Variants in NCAPD3 observed in about 807,000 individuals in gnomAD.
NCAPD3 encodes the protein non-SMC condensin II complex subunit D3, also known as condensin-2 complex subunit D3.
NCAPD3 carries 105 observed loss-of-function variants against 182.9 expected under a neutral mutation model. The observed-to-expected ratio is 0.57, with a 90% confidence interval of 0.49 to 0.68. The LOEUF is 0.68. Ranked by LOEUF, NCAPD3 falls within the 30% of genes least tolerant of loss-of-function variation. NCAPD3 has a pLI of 0.00. For missense variants in NCAPD3, 1,944 were observed against 1,837.0 expected, an observed-to-expected ratio of 1.06 and a Z score of -1.07; for synonymous variants, 815 against 679.9, an observed-to-expected ratio of 1.20 and a Z score of -3.09.
At chr11:134,167,338 G>GCGCA (rs1943864975) in intron 27 of NCAPD3, among the ~76,000 whole-genome samples, 1 of 41,614 alleles carries the variant, frequency 2.4e-5, no homozygotes, top group Admixed American at 2.8e-4. Flanking sequence ...TGGGGGAGGC[G>GCGCA]CACACTCGTG....
chr11:134,190,947 G>A (rs371687152), intron 16 of NCAPD3, among the ~76,000 whole-genome samples: 20 of 152,114 alleles, frequency 1.3e-4, no homozygotes, highest in Admixed American at 1.0e-3. Flanking sequence ...TAGAATTGTC[G>A]ACTACTTGCT....
At chr11:134,167,330 G>A (rs1345662931) in intron 27 of NCAPD3, among the ~76,000 whole-genome samples, 2 of 64,420 alleles carry the variant, frequency 3.1e-5, no homozygotes, top group African/African-American at 1.3e-4. Context: ...AATGAGCCTG[G>A]GGGAGGCGCA....
chr11:134,158,429 C>T lies in NCAPD3; in HGVS notation c.3934G>A (p.Val1312Met), dbSNP rs75941252. The change falls in exon 30 of 35, where the codon GTG (valine) becomes ATG (methionine). Residue 1312 changes from valine (V) to methionine (M), a missense_variant. Val to Met is a conservative substitution (Grantham distance 21, BLOSUM62 1). This residue lies in a region of NCAPD3 where 1,803 missense variants were observed against 1,674.6 expected (regional missense o/e 1.08). Coordinates refer to ENST00000534548, the MANE Select transcript of NCAPD3 (RefSeq NM_015261.3). The part of the protein sequence containing the change: ...GQENPAMSPA[V>M]SQPCTPRASA... ...GCCCTGGGTGTGCAGGGCTGGCTCA[C>T]GGCAGGTGACATGGCAGGGTTTTCT... The T allele has an allele frequency of 9.1e-4, 1,463 of 1,614,186 alleles. 9 individuals are homozygous for T. In the African/African-American group the frequency reaches 0.018, roughly 20 times the overall value.
At chr11:134,178,562 T>A (rs148977146) in intron 22 of NCAPD3, 72 bp downstream of exon 22, 1 of 1,205,950 alleles carries the variant, frequency 8.3e-7, no homozygotes, top group African/African-American at 1.5e-5. Context: ...CACAGTCCCA[T>A]GGCTGGGCTT....
chr11:134,222,374 A>G (rs1010189572), intron 1 of NCAPD3, among the ~76,000 whole-genome samples: 1 of 152,348 alleles, frequency 6.6e-6, no homozygotes, highest in Admixed American at 6.5e-5. Context: ...TCTTGTCCAC[A>G]AAGATCTCAA....
Position 134,217,123 on chromosome 11 carries a change from A to G in NCAPD3, c.220-25T>C, listed in dbSNP as rs369632742. 6 of 1,544,442 alleles carry G rather than the reference A, an allele frequency of 3.9e-6. No homozygotes were observed. The African/African-American group carries it at 8.4e-5, about 22-fold the overall frequency. ...TCTGTGGGGAGACCGCAAATCACAA[A>G]AGCCAGTCATTAGAGAAATGGAAAC... On this transcript the variant is annotated intron_variant, in intron 2 of 34. Coordinates refer to ENST00000534548, the MANE Select transcript of NCAPD3 (RefSeq NM_015261.3).
intron 13 of NCAPD3, among the ~76,000 whole-genome samples, chr11:134,201,201 T>G (rs575336830): frequency 3.9e-5 from 6 of 152,068 alleles, no homozygotes; most frequent in Non-Finnish European, 5.9e-5. Flanking sequence ...TTTTTTGTAT[T>G]TTAGTAGAGA....
intron 19 of NCAPD3, among the ~76,000 whole-genome samples, chr11:134,181,639 T>A (rs1944299166): frequency 6.6e-6 from 1 of 152,214 alleles, no homozygotes; most frequent in South Asian, 2.1e-4. Context: ...TAGGGACAAG[T>A]GTTCCGTGTC....
rs1198438189 is a variant in NCAPD3, at chr11:134,184,640, C to T, written c.2448G>A (p.Glu816=). 6.2e-7 allele frequency: 1 copy of T among 1,603,984 alleles called. No individual in the cohort carries two copies. The highest frequency in any genetic ancestry group is 1.1e-5 in the South Asian group (1 of 89,274). The change falls in exon 19 of 35, where the codon GAG becomes GAA. Residue 816 remains glutamate, a synonymous_variant. Coordinates refer to ENST00000534548, the MANE Select transcript of NCAPD3 (RefSeq NM_015261.3). The part of the protein sequence containing the change: ...CRASAETPAE[E]QELLTQVCGD... ...GTCAGGGAAAGTCTGGCCATACCTG[C>T]TCCTCTGCTGGTGTCTCTGCAGATG...
At position 134,163,870 on chromosome 11, in the gene NCAPD3, T is replaced by C. The variant is rs1473009929; in HGVS notation, c.3574-1979A>G. Among the ~76,000 whole-genome samples the C allele has an allele frequency of 8.0e-5, 3 of 37,268 alleles. No individual in the cohort carries two copies. In the Admixed American group the frequency reaches 9.6e-4, roughly 12 times the overall value. 24.4% of individuals were successfully genotyped at this position (37,268 alleles called of 152,430 possible). ...CTGGGCGACGCAGTGAGATTCTGTC[T>C]CAAAAAAAAAAAAAAAAAAAAAGAA... On this transcript the variant is annotated intron_variant, in intron 27 of 34. Coordinates refer to ENST00000534548, the MANE Select transcript of NCAPD3 (RefSeq NM_015261.3).
At chr11:134,159,789 A>G in intron 29 of NCAPD3, 103 bp downstream of exon 29, 1 of 1,291,268 alleles carries the variant, frequency 7.7e-7, no homozygotes, top group Non-Finnish European at 1.0e-6. Context: ...GGGCTGACTA[A>G]CCTCTGATGA....
At chr11:134,159,158 TTTC>T (rs1943509962) in intron 29 of NCAPD3, among the ~76,000 whole-genome samples, 1 of 152,226 alleles carries the variant, frequency 6.6e-6, no homozygotes, top group Non-Finnish European at 1.5e-5. Context: ...CCTGATTTCC[TTTC>T]TTTTGACTAT....
intron 27 of NCAPD3, among the ~76,000 whole-genome samples, chr11:134,164,799 G>A (rs898114971): frequency 2.0e-5 from 3 of 148,058 alleles, no homozygotes; most frequent in African/African-American, 5.0e-5. Flanking sequence ...AATGAACTTA[G>A]GGGAACTTCA....
chr11:134,152,696 T>G lies in NCAPD3; in HGVS notation c.*248A>C, dbSNP rs1247667792. 1 of 383,958 alleles carries G rather than the reference T, an allele frequency of 2.6e-6. No homozygotes were observed. The highest frequency in any genetic ancestry group is 3.9e-5 in the East Asian group (1 of 25,680). 23.8% of individuals were successfully genotyped at this position (383,958 alleles called of 1,614,324 possible). A position where few individuals can be genotyped will look rare whatever the true frequency, so the allele number is the denominator to read the frequency against. On this transcript the variant is annotated 3_prime_UTR_variant, in exon 35 of 35. Transcript: ENST00000534548. ...CTTGACACTTTCAAATGGAATAAAG[T>G]TACAATATTAAACAGATTAGGGTAA...
Position 134,206,725 on chromosome 11 carries a change from C to T in NCAPD3, c.890G>A (p.Ser297Asn), listed in dbSNP as rs1053016119. The change falls in exon 8 of 35, where the codon AGT becomes AAT. Residue 297 changes from serine to asparagine, a missense_variant. Physicochemically the swap from Ser to Asn is conservative, Grantham distance 46. This residue lies in a region of NCAPD3 where 1,803 missense variants were observed against 1,674.6 expected (regional missense o/e 1.08). Transcript: ENST00000534548. ...PIHGEGDKVI[S>N]CVFHQMLSVI... ...ACTGAGCATTTGATGGAAAACACAA[C>T]TGATGACCTAGAAGAGAAAAGAAAA... 1.2e-6 allele frequency: 2 copies of T among 1,607,998 alleles called. No individual in the cohort carries two copies. The highest frequency in any genetic ancestry group is 2.7e-5 in the African/African-American group (2 of 74,422).
rs551256361 is a variant in NCAPD3, at chr11:134,204,421, G to A, written c.1090-250C>T. 2.0e-5 allele frequency among the ~76,000 whole-genome samples: 3 copies of A among 152,224 alleles called. No individual in the cohort carries two copies. The South Asian group carries it at 6.2e-4, about 32-fold the overall frequency. On this transcript the variant is annotated intron_variant, in intron 9 of 34. Transcript: ENST00000534548. The surrounding 1 kb of genome is among the most constrained non-coding windows in gnomAD (Gnocchi z 4.3). ...ATTTCAGAGAGTTTTTAGATCCCCA[G>A]GTTTCATAAGGTTCAAATTAAGAAT...
chr11:134,215,506 C>T lies in NCAPD3; in HGVS notation c.382+1430G>A, dbSNP rs1426356360. On this transcript the variant is annotated intron_variant, in intron 3 of 34. Transcript: ENST00000534548. ...AAATCAATTTTGCTTCTATACAGTA[C>T]TAATAAACCAAAATAAAATTAAGAA... Among the ~76,000 whole-genome samples, 6 of 152,178 alleles carry T rather than the reference C, an allele frequency of 3.9e-5. No homozygotes were observed. The South Asian group carries it at 6.2e-4, about 16-fold the overall frequency.
intron 1 of NCAPD3, 107 bp downstream of exon 1, chr11:134,223,756 G>A: frequency 1.5e-6 from 2 of 1,352,424 alleles, no homozygotes; most frequent in Non-Finnish European, 1.0e-6. Flanking sequence ...CGACAGCCGG[G>A]CGCCCCCACC....
intron 16 of NCAPD3, among the ~76,000 whole-genome samples, chr11:134,190,518 GCT>G (rs2135993611): frequency 6.6e-6 from 1 of 152,192 alleles, no homozygotes; most frequent in South Asian, 2.1e-4. Context: ...ATGAGGTCTT[GCT>G]CTGTCGCCCA....
Sources: allele counts gnomAD v4.1 joint callset (sites outside exome capture counted in the v4.1 genomes callset), GRCh38; gene constraint gnomAD v4.1.1; regional missense constraint gnomAD v4.1.1; non-coding constraint Gnocchi (gnomAD v3.1); transcripts MANE v1.5; gene names NCBI Gene and HGNC (gene_info 2026-07-23, HGNC 2026-07-21).